ELP4: variants seen among roughly 807,000 people sequenced by gnomAD.
ELP4 encodes elongator complex protein 4.
ELP4 carries 51 observed loss-of-function variants against 48.9 expected under a neutral mutation model. That is an observed-to-expected ratio of 1.04 (90% CI 0.83 to 1.32). The LOEUF is 1.32. ELP4 is among the 40% of genes most tolerant of loss of function. The pLI, the probability that ELP4 is intolerant of heterozygous loss-of-function variation, is 0.00. For missense variants in ELP4, 519 were observed against 514.6 expected, an observed-to-expected ratio of 1.01 and a Z score of -0.08; for synonymous variants, 210 against 189.2, an observed-to-expected ratio of 1.11 and a Z score of -0.90.
intron 9 of ELP4, among the ~76,000 whole-genome samples, chr11:31,726,549 A>G (rs1256733848): frequency 6.6e-6 from 1 of 152,200 alleles, no homozygotes; most frequent in African/African-American, 2.4e-5. Context: ...CTACAAATCA[A>G]CAAAAAATTC....
At chr11:31,541,110 A>G (rs1300448909) in intron 3 of ELP4, among the ~76,000 whole-genome samples, 1 of 152,250 alleles carries the variant, frequency 6.6e-6, no homozygotes, top group African/African-American at 2.4e-5. Context: ...TTAGTCATTT[A>G]TAAGGAATTT....
chr11:31,686,962 G>A (rs1946174871), intron 9 of ELP4, among the ~76,000 whole-genome samples: 2 of 152,146 alleles, frequency 1.3e-5, no homozygotes, highest in South Asian at 4.2e-4. Flanking sequence ...GTTGAGTTAG[G>A]AAACTGTTGC....
At chr11:31,715,070 T>C (rs1802351487) in intron 9 of ELP4, 1 of 341,316 alleles carries the variant, frequency 2.9e-6, no homozygotes, top group Non-Finnish European at 5.2e-6. Flanking sequence ...TGATAGTTCA[T>C]AGAGACGGAA....
intron 9 of ELP4, among the ~76,000 whole-genome samples, chr11:31,752,472 C>T (rs957324476): frequency 6.6e-6 from 1 of 152,146 alleles, no homozygotes; most frequent in Non-Finnish European, 1.5e-5. Flanking sequence ...CTCTCAGGGT[C>T]TATTTTGCAT....
intron 9 of ELP4, among the ~76,000 whole-genome samples, chr11:31,748,220 C>G (rs190482930): frequency 1.3e-5 from 2 of 150,418 alleles, no homozygotes; most frequent in East Asian, 3.9e-4. Context: ...ACAGGTTGCT[C>G]TAACAGCACA....
intron 9 of ELP4, among the ~76,000 whole-genome samples, chr11:31,738,426 G>C (rs1279067943): frequency 6.7e-6 from 1 of 149,700 alleles, no homozygotes; most frequent in African/African-American, 2.5e-5. Context: ...AAAAATAAAT[G>C]AATAAATAAA....
chr11:31,655,824 ATGT>A (rs1213471219), intron 9 of ELP4, among the ~76,000 whole-genome samples: 2 of 152,040 alleles, frequency 1.3e-5, no homozygotes, highest in African/African-American at 4.8e-5. Flanking sequence ...TCCTATATAA[ATGT>A]TGTGAAAGCT....
chr11:31,627,646 C>T (rs879708610), intron 6 of ELP4, among the ~76,000 whole-genome samples: 1 of 151,812 alleles, frequency 6.6e-6, no homozygotes, highest in Non-Finnish European at 1.5e-5. Flanking sequence ...TTTTTATTTG[C>T]CATATTAAAT....
At chr11:31,663,256 G>A (rs1002558331) in intron 9 of ELP4, 11 of 151,740 alleles carry the variant, frequency 7.2e-5, no homozygotes, top group African/African-American at 2.7e-4. Context: ...TTAAAATAAA[G>A]CATTAACTAG....
chr11:31,684,644 C>T (rs1022902492), intron 9 of ELP4, among the ~76,000 whole-genome samples: 2 of 152,120 alleles, frequency 1.3e-5, no homozygotes, highest in Non-Finnish European at 2.9e-5. Context: ...TATATGATCA[C>T]CTGTGACTTA....
At chr11:31,546,013 C>A (rs11512209) in intron 3 of ELP4, among the ~76,000 whole-genome samples, 38,174 of 151,796 alleles carry the variant, frequency 0.25, 4,946 homozygotes, top group South Asian at 0.34. Flanking sequence ...ACAACCGGTA[C>A]CAGCTGCTGC....
chr11:31,744,480 A>G (rs900616008), intron 9 of ELP4, among the ~76,000 whole-genome samples: 10 of 152,332 alleles, frequency 6.6e-5, no homozygotes, highest in African/African-American at 1.9e-4. Flanking sequence ...CATTGATGCA[A>G]AAATCCTCAA....
intron 3 of ELP4, among the ~76,000 whole-genome samples, chr11:31,573,134 G>GT (rs1237078074): frequency 6.6e-6 from 1 of 152,202 alleles, no homozygotes; most frequent in African/African-American, 2.4e-5. Context: ...GTGAGTTTGA[G>GT]TAAATGTTCA....
chr11:31,646,346 A>T (rs1274215521), intron 7 of ELP4: 1 of 151,806 alleles, frequency 6.6e-6, no homozygotes, highest in African/African-American at 2.4e-5. Flanking sequence ...AACATTCTTT[A>T]TATAACACAC....
chr11:31,614,992 TTAGATGGTAG>T (rs978751138), intron 5 of ELP4, among the ~76,000 whole-genome samples: 1 of 152,030 alleles, frequency 6.6e-6, no homozygotes, highest in Non-Finnish European at 1.5e-5. Flanking sequence ...AGTGTGAGGA[TTAGATGGTAG>T]TCTCAGTTTC....
At chr11:31,576,444 A>G (rs981426777) in intron 3 of ELP4, among the ~76,000 whole-genome samples, 3 of 152,208 alleles carry the variant, frequency 2.0e-5, no homozygotes, top group Non-Finnish European at 2.9e-5. Context: ...GGCAGACCTA[A>G]TAGACATCTA....
At chr11:31,510,443 A>G in intron 1 of ELP4, 1 of 409,640 alleles carries the variant, frequency 2.4e-6, no homozygotes, top group Non-Finnish European at 4.3e-6. Flanking sequence ...AAGATGCTGG[A>G]AAAAAATGAT....
intron 5 of ELP4, among the ~76,000 whole-genome samples, chr11:31,613,795 A>G (rs1403179009): frequency 5.4e-5 from 7 of 128,534 alleles, no homozygotes; most frequent in South Asian, 2.5e-4. Flanking sequence ...TGCAGCCTCT[A>G]CCTCCTGGGT....
intron 9 of ELP4, chr11:31,654,803 ATGTTTAC>A (rs1945394089): frequency 6.6e-6 from 1 of 151,868 alleles, no homozygotes; most frequent in Non-Finnish European, 1.5e-5. Context: ...AATGTTGAAT[ATGTTTAC>A]TGTATCTAGA....
Sources: gnomAD v4.1 joint callset for allele counts (sites outside exome capture counted in the v4.1 genomes callset) on GRCh38, gnomAD v4.1.1 for gene constraint, MANE v1.5 for transcripts, NCBI Gene and HGNC (gene_info 2026-07-23, HGNC 2026-07-21) for gene names.